The following PIRT variants were observed in gnomAD, a reference collection of about 807,000 sequenced individuals.
The protein encoded by PIRT is phosphoinositide interacting regulator of transient receptor potential channels, also known as phosphoinositide-interacting protein.
PIRT carries 6 observed loss-of-function variants against 7.9 expected under a neutral mutation model. That is an observed-to-expected ratio of 0.76 (90% confidence interval 0.42 to 1.51). The LOEUF (loss-of-function observed/expected upper bound fraction) is 1.51, where lower values mean the gene tolerates loss of function less well. PIRT is among the 40% of genes most tolerant of loss of function. The pLI, the probability that PIRT is intolerant of heterozygous loss-of-function variation, is 0.01. For synonymous variants in PIRT, 78 were observed against 71.8 expected, an observed-to-expected ratio of 1.09 and a Z score of -0.44; for missense variants, 170 against 172.9, an observed-to-expected ratio of 0.98 and a Z score of 0.09.
At position 10,824,296 on chromosome 17, in the gene PIRT, C is replaced by T. The variant is rs1259239490; in HGVS notation, c.*936G>A. The T allele has an allele frequency of 2.0e-5, 3 of 152,214 alleles. No individual in the cohort carries two copies. In the East Asian group the frequency reaches 5.8e-4, roughly 29 times the overall value. The allele number at this position is 152,214 out of a possible 1,614,324, so 9.4% of individuals were successfully genotyped here. On this transcript the variant is annotated 3_prime_UTR_variant, in exon 2 of 2. Coordinates refer to ENST00000580256, the MANE Select transcript of PIRT (RefSeq NM_001101387.2). ...TGGAATTTTCTGACGTGAATTCCATCTCTAGAAACCTACAGATCATTCAGA... is the reference window on the plus strand; with the variant it reads ...TGGAATTTTCTGACGTGAATTCCATTTCTAGAAACCTACAGATCATTCAGA...
Position 10,827,465 on chromosome 17 carries a change from C to CTTTTTTTTTTTTTTTTT in PIRT, c.-138-1699_-138-1683dup, listed in dbSNP as rs546105685. On this transcript the variant is annotated intron_variant, in intron 1 of 1. Transcript: ENST00000580256. ...TCTTTCTTTTCTTTCTTTTTCTTTTCTTTTTTTTTTTTTTTTTTTTTTTTT... is the reference window on the plus strand; with the variant it reads ...TCTTTCTTTTCTTTCTTTTTCTTTTCTTTTTTTTTTTTTTTTTTTTTTTTTTTTTTTTTTTTTTTTTT... Among the ~76,000 whole-genome samples, 170 of 56,286 alleles carry CTTTTTTTTTTTTTTTTT rather than the reference C, an allele frequency of 3.0e-3. 11 individuals carry two copies. The highest frequency in any genetic ancestry group is 4.0e-3 in the South Asian group (4 of 996). The allele number at this position is 56,286 out of a possible 152,430, so 36.9% of individuals were successfully genotyped here. A position where few individuals can be genotyped will look rare whatever the true frequency, so the allele number is the denominator to read the frequency against.
chr17:10,829,965 GTCTATCTATCTATCTATCTATCTA>G (rs10561822), intron 1 of PIRT, among the ~76,000 whole-genome samples: 3 of 149,488 alleles, frequency 2.0e-5, no homozygotes, highest in South Asian at 2.1e-4. Context: ...ATGTCTGTCT[GTCTATCTATCTATCTATCTATCTA>G]TCTATCTATC....
chr17:10,827,282 C>A (rs1015621312), intron 1 of PIRT, among the ~76,000 whole-genome samples: 4 of 152,166 alleles, frequency 2.6e-5, no homozygotes, highest in African/African-American at 4.8e-5. Flanking sequence ...CTCTCAGCCA[C>A]TGGGGCTCCC....
At position 10,824,154 on chromosome 17, in the gene PIRT, T is replaced by A. The variant is rs1026300021; in HGVS notation, c.*1078A>T. On this transcript the variant is annotated 3_prime_UTR_variant, in exon 2 of 2. Coordinates refer to ENST00000580256, the MANE Select transcript of PIRT (RefSeq NM_001101387.2). ...AGTTGGCTTGGCTGCCTCTCTCACC[T>A]CGGGAAGCAAGAAGACATCAGGGAC... The A allele has an allele frequency of 9.9e-5, 15 of 152,222 alleles. No individual in the cohort carries two copies. Among genetic ancestry groups the A allele is most frequent in the African/African-American group, 3.6e-4 (15 of 41,442 alleles). The allele number at this position is 152,222 out of a possible 1,614,324, so 9.4% of individuals were successfully genotyped here.
intron 1 of PIRT, among the ~76,000 whole-genome samples, chr17:10,837,083 A>T (rs1004411321): frequency 6.6e-6 from 1 of 152,120 alleles, no homozygotes; most frequent in Non-Finnish European, 1.5e-5. Flanking sequence ...CGCTGCTGTC[A>T]CCATGGCCAT....
At chr17:10,829,550 C>G (rs1269485831) in intron 1 of PIRT, among the ~76,000 whole-genome samples, 1 of 152,146 alleles carries the variant, frequency 6.6e-6, no homozygotes, top group Non-Finnish European at 1.5e-5. Context: ...ACTATACCAA[C>G]CCCCACATCA....
At chr17:10,833,271 T>G (rs1905504500) in intron 1 of PIRT, among the ~76,000 whole-genome samples, 1 of 152,146 alleles carries the variant, frequency 6.6e-6, no homozygotes, top group Non-Finnish European at 1.5e-5. Context: ...ATAAAGATTT[T>G]TGGGGAAACC....
intron 1 of PIRT, among the ~76,000 whole-genome samples, chr17:10,835,228 T>C (rs1275991639): frequency 6.6e-6 from 1 of 152,216 alleles, no homozygotes; most frequent in East Asian, 1.9e-4. Context: ...GCCATGCGGC[T>C]GGGGAGGGCA....
chr17:10,830,350 C>T (rs974423558), intron 1 of PIRT, among the ~76,000 whole-genome samples: 1 of 152,188 alleles, frequency 6.6e-6, no homozygotes, highest in African/African-American at 2.4e-5. Flanking sequence ...GCAGAAGCTG[C>T]TTGTGATGGA....
Position 10,823,359 on chromosome 17 carries a change from G to A in PIRT, c.*1873C>T, listed in dbSNP as rs910782004. Reference sequence around the variant, plus strand: ...CCTGGGTGAGCCTCAACGGCCATGAGTTCCCCAAACTCTGACTCCGTGGGT... The same window carrying A: ...CCTGGGTGAGCCTCAACGGCCATGAATTCCCCAAACTCTGACTCCGTGGGT... On this transcript the variant is annotated 3_prime_UTR_variant, in exon 2 of 2. Transcript: ENST00000580256. The A allele has an allele frequency of 7.2e-5, 11 of 152,310 alleles. No homozygotes were observed. Among genetic ancestry groups the A allele is most frequent in the African/African-American group, 2.7e-4 (11 of 41,476 alleles). 9.4% of individuals were successfully genotyped at this position (152,310 alleles called of 1,614,324 possible). A position where few individuals can be genotyped will look rare whatever the true frequency, so the allele number is the denominator to read the frequency against.
chr17:10,837,774 A>G (rs1272654586), intron 1 of PIRT, among the ~76,000 whole-genome samples, 171 bp downstream of exon 1: 2 of 152,128 alleles, frequency 1.3e-5, no homozygotes, highest in African/African-American at 2.4e-5. Flanking sequence ...CAGTGCCTCC[A>G]GGCTGACTTC....
rs900049071 is a variant in PIRT, at chr17:10,825,052, A to G, written c.*180T>C. On this transcript the variant is annotated 3_prime_UTR_variant, in exon 2 of 2. Coordinates refer to ENST00000580256, the MANE Select transcript of PIRT (RefSeq NM_001101387.2). Reference sequence around the variant, plus strand: ...GTCAGAATAGAGATCAAGTGGATACATCTGGCAACATTCCCGGCTGCATGG... The same window carrying G: ...GTCAGAATAGAGATCAAGTGGATACGTCTGGCAACATTCCCGGCTGCATGG... 5 of 774,350 alleles carry G rather than the reference A, an allele frequency of 6.5e-6. No individual in the cohort carries two copies. The African/African-American group carries it at 7.0e-5, about 11-fold the overall frequency. The allele number at this position is 774,350 out of a possible 1,614,324, so 48.0% of individuals were successfully genotyped here.
At position 10,825,387 on chromosome 17, in the gene PIRT, A is replaced by G; in HGVS notation, c.259T>C (p.Ser87Pro). ...CCAGGCCCTACCATTTTGAGGATGG[A>G]GAGACTCTTGTCACTCAGCTTCAAG... ...YTLKLSDKSL[S>P]ILKMVGPGFL... The change falls in exon 2 of 2, where the codon TCC (serine) becomes CCC (proline). Residue 87 changes from serine (S) to proline (P), a missense_variant. Ser to Pro is a moderately conservative substitution (Grantham distance 74). Coordinates refer to ENST00000580256, the MANE Select transcript of PIRT (RefSeq NM_001101387.2). 1 of 1,614,002 alleles carries G rather than the reference A, an allele frequency of 6.2e-7. No individual in the cohort carries two copies. The highest frequency in any genetic ancestry group is 8.5e-7 in the Non-Finnish European group (1 of 1,179,906).
chr17:10,827,690 G>A (rs1289553534), intron 1 of PIRT, among the ~76,000 whole-genome samples: 2 of 151,792 alleles, frequency 1.3e-5, no homozygotes, highest in East Asian at 3.9e-4. Flanking sequence ...GGTCAGGCTG[G>A]TCTTGAACTC....
intron 1 of PIRT, among the ~76,000 whole-genome samples, chr17:10,833,659 CA>C (rs2151535763): frequency 6.6e-6 from 1 of 152,054 alleles, no homozygotes; most frequent in African/African-American, 2.4e-5. Context: ...GAGGCTGAGG[CA>C]TGAGAATCAC....
At chr17:10,829,439 G>A (rs552671561) in intron 1 of PIRT, among the ~76,000 whole-genome samples, 3 of 152,324 alleles carry the variant, frequency 2.0e-5, no homozygotes, top group Admixed American at 2.0e-4. Context: ...CTTGCTGGAA[G>A]TAACTAAGAC....
intron 1 of PIRT, among the ~76,000 whole-genome samples, chr17:10,827,685 G>T (rs1364461288): frequency 6.6e-6 from 1 of 151,752 alleles, no homozygotes; most frequent in Non-Finnish European, 1.5e-5. Context: ...ATGTTGGTCA[G>T]GCTGGTCTTG....
chr17:10,826,717 C>T (rs75355872), intron 1 of PIRT, among the ~76,000 whole-genome samples: 10,605 of 152,332 alleles, frequency 0.07, 519 homozygotes, highest in South Asian at 0.15. Flanking sequence ...TCACTCCTAC[C>T]AGGCTATGCG....
chr17:10,831,100 C>A (rs1290777359), intron 1 of PIRT, among the ~76,000 whole-genome samples: 2 of 152,168 alleles, frequency 1.3e-5, no homozygotes, highest in African/African-American at 4.8e-5. Context: ...TCTTCTACCC[C>A]ATGGCACCTG....
Sources: allele counts gnomAD v4.1 joint callset (sites outside exome capture counted in the v4.1 genomes callset), GRCh38; gene constraint gnomAD v4.1.1; transcripts MANE v1.5; gene names NCBI Gene and HGNC (gene_info 2026-07-23, HGNC 2026-07-21).